BAZ2B: variants seen among roughly 807,000 people sequenced by gnomAD.
BAZ2B encodes the protein bromodomain adjacent to zinc finger domain 2B.
Under a neutral mutation model 246.0 loss-of-function variants are expected in BAZ2B, and 91 were observed. The observed-to-expected ratio is 0.37, with a 90% CI of 0.31 to 0.44. The LOEUF (loss-of-function observed/expected upper bound fraction) is 0.44. Ranked by LOEUF, BAZ2B falls within the 20% of genes least tolerant of loss-of-function variation. The pLI, the probability that BAZ2B is intolerant of heterozygous loss-of-function variation, is 1.00. For missense variants in BAZ2B, 2,332 were observed against 2,533.7 expected (o/e 0.92, Z 1.71); for synonymous variants, 855 against 860.0 (o/e 0.99, Z 0.10).
chr2:159,475,705 C>T (rs1245768010), intron 3 of BAZ2B, among the ~76,000 whole-genome samples: 1 of 152,158 alleles, frequency 6.6e-6, no homozygotes, highest in East Asian at 1.9e-4. Flanking sequence ...TACCTTTGGT[C>T]TTTGATGTTG....
intron 1 of BAZ2B, among the ~76,000 whole-genome samples, chr2:159,588,724 C>A (rs574927311): frequency 5.9e-5 from 9 of 152,242 alleles, no homozygotes; most frequent in African/African-American, 2.2e-4. Flanking sequence ...ATAAGCAGCC[C>A]CTGAGGTGAG....
chr2:159,644,913 C>A, the BAZ2B span, among the ~76,000 whole-genome samples: 774 of 152,196 alleles, frequency 5.1e-3, 9 homozygotes, highest in Non-Finnish European at 5.2e-3. Context: ...TTTTTCATTT[C>A]TTGCCTCTCA....
In BAZ2B at chr2:159,400,657, A is replaced by AT; in HGVS notation, c.2839dup (p.Ile947AsnfsTer2). Reference sequence around the variant, plus strand: ...CATTCTGATTTGCTGTATTCTCTTAATTTTTTCCTGTAGGAAAAGTTATGA... The same window carrying AT: ...CATTCTGATTTGCTGTATTCTCTTAATTTTTTTCCTGTAGGAAAAGTTATGA... On this transcript the variant is annotated frameshift_variant, in exon 17 of 37. Transcript: ENST00000392783. LOFTEE classifies it high-confidence loss of function. 1.3e-6 allele frequency: 2 copies of AT among 1,562,556 alleles called. No individual in the cohort carries two copies. Among genetic ancestry groups the AT allele is most frequent in the Non-Finnish European group, 1.8e-6 (2 of 1,140,828 alleles).
Position 159,386,417 on chromosome 2 carries a change from T to C in BAZ2B, c.3407A>G (p.Gln1136Arg), listed in dbSNP as rs1489835967. Residue 1136 changes from glutamine to arginine, a missense_variant, in exon 22 of 37, where the codon CAA becomes CGA. By Grantham distance (43) the Gln-to-Arg change is conservative (BLOSUM62 1). Around this residue, in one of 9 missense-constraint regions of BAZ2B, gnomAD observed 328 missense variants for 410.4 expected, o/e 0.80. Transcript: ENST00000392783. Reference sequence around the variant, plus strand: ...TGAGAGGAGCCTCACAAGCAAGTCTTGTACTTCACCCATGCTGTCCCCTAT... The same window carrying C: ...TGAGAGGAGCCTCACAAGCAAGTCTCGTACTTCACCCATGCTGTCCCCTAT... ...LNIGDSMGEV[Q>R]DLLVRLLSAA... The C allele has an allele frequency of 1.2e-6, 2 of 1,613,450 alleles. No homozygotes were observed. Among genetic ancestry groups the C allele is most frequent in the Non-Finnish European group, 8.5e-7 (1 of 1,179,662 alleles).
At chr2:159,397,501 T>A in intron 18 of BAZ2B, 112 bp from the exon 19 acceptor site, 1 of 565,402 alleles carries the variant, frequency 1.8e-6, no homozygotes, top group Non-Finnish European at 3.0e-6. Flanking sequence ...GGTTGAACCA[T>A]ATGAAATGGC....
At chr2:159,598,027 C>T (rs1559870510) in intron 1 of BAZ2B, among the ~76,000 whole-genome samples, 1 of 150,576 alleles carries the variant, frequency 6.6e-6, no homozygotes, top group Non-Finnish European at 1.5e-5. Flanking sequence ...CGGAGTCTCG[C>T]TCTGTCACCT....
intron 1 of BAZ2B, among the ~76,000 whole-genome samples, chr2:159,583,924 T>C (rs1687433047): frequency 6.6e-6 from 1 of 152,246 alleles, no homozygotes; most frequent in Non-Finnish European, 1.5e-5. Context: ...GGGAAGAATG[T>C]GTCTGATAAG....
the BAZ2B span, among the ~76,000 whole-genome samples, chr2:159,623,895 C>A: frequency 6.6e-6 from 1 of 152,198 alleles, no homozygotes; most frequent in African/African-American, 2.4e-5. Context: ...GAGTACTATG[C>A]AGTTTTTAAA....
chr2:159,668,538 C>T, the BAZ2B span, among the ~76,000 whole-genome samples: 1 of 152,124 alleles, frequency 6.6e-6, no homozygotes, highest in Non-Finnish European at 1.5e-5. Flanking sequence ...TGAATTTTGT[C>T]TACTGCTTTC....
intron 3 of BAZ2B, among the ~76,000 whole-genome samples, chr2:159,471,919 AG>A (rs1473326805): frequency 2.0e-5 from 3 of 152,208 alleles, no homozygotes; most frequent in African/African-American, 7.2e-5. Flanking sequence ...CTACTGAAAT[AG>A]ATTTTAAAGA....
chr2:159,367,233 T>C, intron 27 of BAZ2B, among the ~76,000 whole-genome samples: 1 of 152,182 alleles, frequency 6.6e-6, no homozygotes, highest in East Asian at 1.9e-4. Context: ...CTTTGAGTGA[T>C]CTTGTTTCTT....
intron 1 of BAZ2B, among the ~76,000 whole-genome samples, chr2:159,568,729 C>T (rs1016076038): frequency 6.6e-6 from 1 of 152,098 alleles, no homozygotes; most frequent in East Asian, 1.9e-4. Flanking sequence ...GATACATGCT[C>T]AAACTAATTA....
At chr2:159,569,472 A>G (rs989215898) in intron 1 of BAZ2B, among the ~76,000 whole-genome samples, 33 of 152,304 alleles carry the variant, frequency 2.2e-4, no homozygotes, top group Admixed American at 1.8e-3. Context: ...CCAACTCCCC[A>G]GCAAGTTTTC....
At chr2:159,483,768 G>A (rs1182166067) in intron 2 of BAZ2B, among the ~76,000 whole-genome samples, 3 of 152,086 alleles carry the variant, frequency 2.0e-5, no homozygotes, top group East Asian at 3.9e-4. Context: ...GCAACAGAGT[G>A]AGACTCCGTC....
At chr2:159,431,186 A>G (rs1005060494) in intron 9 of BAZ2B, 30 bp from the exon 10 acceptor site, 5 of 1,562,576 alleles carry the variant, frequency 3.2e-6, no homozygotes, top group Middle Eastern at 1.8e-4. Context: ...TTTGTATATT[A>G]TAACTAGATA....
chr2:159,496,486 GAA>G (rs537958598), intron 2 of BAZ2B, among the ~76,000 whole-genome samples: 33 of 108,556 alleles, frequency 3.0e-4, no homozygotes, highest in African/African-American at 7.1e-4. Flanking sequence ...GACTCTGCAG[GAA>G]AAAAAAAAAA....
intron 1 of BAZ2B, among the ~76,000 whole-genome samples, chr2:159,603,196 T>C (rs2151771738): frequency 6.6e-6 from 1 of 152,330 alleles, no homozygotes; most frequent in African/African-American, 2.4e-5. Context: ...AATTATGCAG[T>C]CTTTTAAAAT....
chr2:159,702,049 C>G, the BAZ2B span, among the ~76,000 whole-genome samples: 1 of 152,086 alleles, frequency 6.6e-6, no homozygotes, highest in Non-Finnish European at 1.5e-5. Flanking sequence ...TATTTTATAT[C>G]CACACCTACC....
rs911261346 is a variant in BAZ2B, at chr2:159,337,337, T to C, written c.5660+230A>G. On this transcript the variant is annotated intron_variant, in intron 32 of 36. Transcript: ENST00000392783. ...AAAAAAAAGTTTTTACAAAGCACCA[T>C]GCAAATAGCATGATCCGTATGGATC... 1.3e-5 allele frequency: 16 copies of C among 1,217,744 alleles called. No individual in the cohort carries two copies. The African/African-American group carries it at 1.5e-4, about 12-fold the overall frequency. 75.4% of individuals were successfully genotyped at this position (1,217,744 alleles called of 1,614,324 possible).
Sources: gnomAD v4.1 joint callset for allele counts (sites outside exome capture counted in the v4.1 genomes callset) on GRCh38, gnomAD v4.1.1 for gene constraint, gnomAD v4.1.1 regional missense constraint, MANE v1.5 for transcripts, NCBI Gene and HGNC (gene_info 2026-07-23, HGNC 2026-07-21) for gene names.